The following CSMD3 variants were observed in gnomAD, a reference collection of about 807,000 sequenced individuals.
CSMD3 encodes CUB and Sushi multiple domains 3.
A neutral mutation model predicts 435.2 loss-of-function variants in CSMD3; 177 were observed. That is an observed-to-expected ratio of 0.41 (90% CI 0.36 to 0.46). The LOEUF (loss-of-function observed/expected upper bound fraction) is 0.46. CSMD3 is among the 20% of genes least tolerant of loss of function. CSMD3 has a pLI of 0.34. For synonymous variants in CSMD3, 1,656 were observed against 1,520.5 expected (o/e 1.09, Z -2.07); for missense variants, 4,265 against 4,504.6 (o/e 0.95, Z 1.52).
At chr8:112,979,608 T>C (rs2084974003) in intron 6 of CSMD3, among the ~76,000 whole-genome samples, 1 of 151,538 alleles carries the variant, frequency 6.6e-6, no homozygotes, top group Non-Finnish European at 1.5e-5. Flanking sequence ...CTATCCAATG[T>C]TAAAAGGATA....
intron 20 of CSMD3, 40 bp from the exon 21 acceptor site, chr8:112,638,951 C>A (rs1381038798): frequency 3.8e-6 from 5 of 1,322,412 alleles, no homozygotes. Flanking sequence ...ACAGGTAGAT[C>A]AGTAAAACAC....
intron 1 of CSMD3, among the ~76,000 whole-genome samples, chr8:113,421,681 T>G (rs1588697137): frequency 6.6e-6 from 1 of 152,216 alleles, no homozygotes; most frequent in Non-Finnish European, 1.5e-5. Context: ...CTTCCCATCC[T>G]CCTCTTCCCC....
chr8:112,864,175 T>C (rs2080908533), intron 10 of CSMD3, among the ~76,000 whole-genome samples: 2 of 152,182 alleles, frequency 1.3e-5, no homozygotes, highest in Admixed American at 6.5e-5. Context: ...AAGATTCCTA[T>C]ATTTTGGTTT....
chr8:112,851,807 C>A lies in CSMD3; in HGVS notation c.1755+7338G>T, dbSNP rs555341602. ...TGAATCGTCAGCTTCAAGAACTACA[C>A]CTGGGATTAGTAGCTACTCAATACA... On this transcript the variant is annotated intron_variant, in intron 11 of 70. Coordinates refer to ENST00000297405, the MANE Select transcript of CSMD3 (RefSeq NM_198123.2). 4.6e-5 allele frequency among the ~76,000 whole-genome samples: 7 copies of A among 151,696 alleles called. No individual in the cohort carries two copies. The South Asian group carries it at 1.3e-3, about 27-fold the overall frequency.
At chr8:112,736,925 G>T (rs1202390520) in intron 13 of CSMD3, among the ~76,000 whole-genome samples, 2 of 151,946 alleles carry the variant, frequency 1.3e-5, no homozygotes, top group Non-Finnish European at 2.9e-5. Flanking sequence ...CACAGAAATA[G>T]CTGAGCCAGC....
intron 13 of CSMD3, 130 bp from the exon 14 acceptor site, chr8:112,690,180 T>TA: frequency 1.4e-6 from 1 of 697,740 alleles, no homozygotes; most frequent in Non-Finnish European, 2.5e-6. Flanking sequence ...TATTCTCCAA[T>TA]CTTTTTTTTT....
chr8:112,268,406 T>C (rs1445951280), intron 59 of CSMD3, among the ~76,000 whole-genome samples: 1 of 152,244 alleles, frequency 6.6e-6, no homozygotes, highest in East Asian at 1.9e-4. Context: ...ATAATTGTGG[T>C]AATTCTAGTC....
intron 1 of CSMD3, among the ~76,000 whole-genome samples, chr8:113,373,856 C>T (rs533708050): frequency 8.5e-5 from 13 of 152,062 alleles, no homozygotes; most frequent in Non-Finnish European, 1.8e-4. Context: ...CTATACTACT[C>T]CTTTGGGGAG....
rs1327433501 is a variant in CSMD3, at chr8:113,180,714, TG to T, written c.515-6799del. 4.6e-5 allele frequency among the ~76,000 whole-genome samples: 7 copies of T among 152,210 alleles called. No homozygotes were observed. The South Asian group carries it at 1.4e-3, about 32-fold the overall frequency. ...TGGAATCTGTAGTATAGAAGAGAGT[TG>T]CAGGAATAGCATGATTTAAACTTGT... On this transcript the variant is annotated intron_variant, in intron 3 of 70. Transcript: ENST00000297405.
At chr8:113,243,970 G>A (rs976120474) in intron 3 of CSMD3, among the ~76,000 whole-genome samples, 10 of 151,798 alleles carry the variant, frequency 6.6e-5, no homozygotes, top group African/African-American at 2.4e-4. Flanking sequence ...TTTATTTTTC[G>A]GTTGTAAGCA....
chr8:113,135,729 C>T (rs1000288313), intron 4 of CSMD3, among the ~76,000 whole-genome samples: 1 of 151,714 alleles, frequency 6.6e-6, no homozygotes, highest in South Asian at 2.1e-4. Flanking sequence ...TTAGAAGAAT[C>T]CAATTACTTG....
intron 4 of CSMD3, among the ~76,000 whole-genome samples, chr8:113,167,303 A>G (rs981789470): frequency 3.9e-5 from 6 of 152,174 alleles, no homozygotes; most frequent in Non-Finnish European, 7.4e-5. Flanking sequence ...AGCACCTTCT[A>G]TGTGTTAAGC....
intron 32 of CSMD3, among the ~76,000 whole-genome samples, chr8:112,459,369 G>GGT (rs1414012920): frequency 1.6e-4 from 20 of 121,902 alleles, no homozygotes; most frequent in Non-Finnish European, 3.4e-4. Flanking sequence ...GGGGGGGGGG[G>GGT]GTTTATTCAA....
chr8:112,862,530 G>T (rs1329454053), intron 10 of CSMD3, among the ~76,000 whole-genome samples: 2 of 151,968 alleles, frequency 1.3e-5, no homozygotes, highest in Non-Finnish European at 2.9e-5. Flanking sequence ...ATGTAGAACA[G>T]ACCTGCTATT....
intron 27 of CSMD3, among the ~76,000 whole-genome samples, chr8:112,518,457 A>G (rs1456116143): frequency 1.3e-5 from 2 of 152,258 alleles, no homozygotes; most frequent in East Asian, 1.9e-4. Context: ...ACAGTGAGCC[A>G]TGACTGTCCG....
At chr8:112,428,965 T>G (rs1813371703) in intron 32 of CSMD3, among the ~76,000 whole-genome samples, 2 of 152,144 alleles carry the variant, frequency 1.3e-5, no homozygotes, top group South Asian at 2.1e-4. Flanking sequence ...CATAATATTC[T>G]GAAGTTTACA....
At chr8:112,464,306 T>G (rs1817742335) in intron 32 of CSMD3, among the ~76,000 whole-genome samples, 1 of 151,432 alleles carries the variant, frequency 6.6e-6, no homozygotes. Flanking sequence ...ACAAAGAATC[T>G]AATCCTCAGG....
chr8:113,113,778 G>C (rs189112627), intron 4 of CSMD3, among the ~76,000 whole-genome samples: 4 of 152,196 alleles, frequency 2.6e-5, no homozygotes, highest in Admixed American at 6.5e-5. Context: ...CTACAAATGC[G>C]AATCAATAAC....
chr8:113,327,559 T>A (rs1412143806), intron 1 of CSMD3, among the ~76,000 whole-genome samples: 1 of 152,160 alleles, frequency 6.6e-6, no homozygotes, highest in Non-Finnish European at 1.5e-5. Flanking sequence ...CTCCCATCCC[T>A]GGTAGCTGTG....
Sources: gnomAD v4.1 joint callset for allele counts (sites outside exome capture counted in the v4.1 genomes callset) on GRCh38, gnomAD v4.1.1 for gene constraint, MANE v1.5 for transcripts, NCBI Gene and HGNC (gene_info 2026-07-23, HGNC 2026-07-21) for gene names.